Variants in SCN2A observed in about 807,000 individuals in gnomAD.
The protein encoded by SCN2A is sodium channel protein type 2 subunit alpha.
A neutral mutation model predicts 188.7 loss-of-function variants in SCN2A; 20 were observed. The observed-to-expected ratio is 0.11, with a 90% confidence interval of 0.07 to 0.15. The LOEUF is 0.15. Ranked by LOEUF, SCN2A falls within the 10% of genes least tolerant of loss-of-function variation. The pLI, the probability that SCN2A is intolerant of heterozygous loss-of-function variation, is 1.00. For synonymous variants in SCN2A, 804 were observed against 833.1 expected (o/e 0.97, Z 0.60); for missense variants, 1,278 against 2,445.0 (o/e 0.52, Z 10.07).
intron 17 of SCN2A, among the ~76,000 whole-genome samples, chr2:165,358,762 A>G (rs1700304805): frequency 6.6e-6 from 1 of 152,046 alleles, no homozygotes; most frequent in Non-Finnish European, 1.5e-5. Flanking sequence ...TAAATTTATC[A>G]TGATCCACAA....
chr2:165,350,772 A>G (rs999461264), intron 16 of SCN2A, among the ~76,000 whole-genome samples: 8 of 151,980 alleles, frequency 5.3e-5, no homozygotes, highest in Admixed American at 4.6e-4. Context: ...CCCGGCCTGA[A>G]CTGTTTTCTT....
intron 4 of SCN2A, 81 bp downstream of exon 4, chr2:165,308,018 C>A (rs1574553188): frequency 9.7e-6 from 9 of 926,948 alleles, no homozygotes; most frequent in Non-Finnish European, 1.6e-5. Flanking sequence ...TCCTCAATTT[C>A]TTTAACAAAT....
intron 1 of SCN2A, among the ~76,000 whole-genome samples, chr2:165,250,101 C>T (rs926981292): frequency 1.3e-5 from 2 of 152,074 alleles, no homozygotes; most frequent in Middle Eastern, 3.4e-3. Flanking sequence ...TATATGTGGA[C>T]CTGGGTCATC....
chr2:165,245,026 C>A (rs541644654), intron 1 of SCN2A, among the ~76,000 whole-genome samples: 1 of 152,028 alleles, frequency 6.6e-6, no homozygotes, highest in African/African-American at 2.4e-5. Context: ...TGACACTATC[C>A]CTCTTCTCTG....
intron 26 of SCN2A, among the ~76,000 whole-genome samples, chr2:165,387,439 G>C (rs1166236749): frequency 2.0e-5 from 3 of 152,234 alleles, no homozygotes; most frequent in East Asian, 1.9e-4. Flanking sequence ...AATTGGAATA[G>C]TGTATATGTG....
chr2:165,241,633 T>G (rs935903587), intron 1 of SCN2A, among the ~76,000 whole-genome samples: 5 of 152,180 alleles, frequency 3.3e-5, no homozygotes, highest in African/African-American at 9.7e-5. Flanking sequence ...GTCAAGGAGT[T>G]TACCTCAGGG....
chr2:165,349,598 T>A (rs536250975), intron 16 of SCN2A, among the ~76,000 whole-genome samples: 19 of 152,214 alleles, frequency 1.2e-4, no homozygotes, highest in Non-Finnish European at 2.5e-4. Flanking sequence ...TTGTGATGTA[T>A]GCATAAAAAG....
intron 16 of SCN2A, among the ~76,000 whole-genome samples, chr2:165,349,964 A>G (rs1699800238): frequency 6.6e-6 from 1 of 152,198 alleles, no homozygotes; most frequent in African/African-American, 2.4e-5. Context: ...ATGTGGCTCC[A>G]CCCAAATAGA....
intron 12 of SCN2A, 51 bp from the exon 13 acceptor site, chr2:165,326,801 C>A (rs371917575): frequency 1.2e-6 from 2 of 1,608,852 alleles, no homozygotes; most frequent in Non-Finnish European, 1.7e-6. Context: ...ATGCTTTGGG[C>A]TTTGCTGCTT....
At chr2:165,317,886 A>G (rs1697848496) in intron 11 of SCN2A, among the ~76,000 whole-genome samples, 1 of 152,072 alleles carries the variant, frequency 6.6e-6, no homozygotes, top group South Asian at 2.1e-4. Flanking sequence ...GAGGATGGAG[A>G]GGGAGACAGA....
intron 25 of SCN2A, 91 bp from the exon 26 acceptor site, chr2:165,386,655 T>C (rs940854008): frequency 7.7e-7 from 1 of 1,305,638 alleles, no homozygotes; most frequent in Non-Finnish European, 1.1e-6. Flanking sequence ...TTATAAAAGC[T>C]ACATTTTTTG....
At chr2:165,242,585 G>C (rs899873994) in intron 1 of SCN2A, among the ~76,000 whole-genome samples, 1 of 152,082 alleles carries the variant, frequency 6.6e-6, no homozygotes, top group Non-Finnish European at 1.5e-5. Context: ...GAGAAATCTG[G>C]GGAGTATATT....
chr2:165,277,502 G>A (rs977741707), intron 1 of SCN2A, among the ~76,000 whole-genome samples: 1 of 152,128 alleles, frequency 6.6e-6, no homozygotes, highest in Non-Finnish European at 1.5e-5. Flanking sequence ...GCCTTATTTG[G>A]TCTATCTTGC....
At chr2:165,367,462 G>A (rs757882257) in intron 19 of SCN2A, 91 bp downstream of exon 19, 36 of 1,394,526 alleles carry the variant, frequency 2.6e-5, no homozygotes, top group Non-Finnish European at 3.4e-5. Flanking sequence ...TTTAAATTAA[G>A]GTGTTTGTAA....
Position 165,354,336 on chromosome 2 carries a change from C to A in SCN2A, c.3064C>A (p.Arg1022Ser). Residue 1022 changes from arginine (R) to serine (S), a missense_variant, in exon 17 of 27, where the codon CGT becomes AGT. Around this residue, in one of 17 missense-constraint regions of SCN2A, gnomAD observed 228 missense variants for 297.3 expected, o/e 0.77. Transcript: ENST00000375437. ...AATCGATTTTGTTAAAAGAAAAATA[C>A]GTGAATTTATTCAGAAAGCCTTTGT... ...KGIDFVKRKIREFIQKAFVRK... is the reference protein window; with the variant it reads ...KGIDFVKRKISEFIQKAFVRK... The A allele has an allele frequency of 1.2e-6, 2 of 1,613,938 alleles. No homozygotes were observed. The highest frequency in any genetic ancestry group is 8.5e-7 in the Non-Finnish European group (1 of 1,179,940).
intron 1 of SCN2A, among the ~76,000 whole-genome samples, chr2:165,294,300 T>A (rs953469760): frequency 1.3e-5 from 2 of 152,054 alleles, no homozygotes; most frequent in Admixed American, 1.3e-4. Flanking sequence ...CATGGCAGTT[T>A]CCTCCCCCAG....
At chr2:165,311,743 G>A (rs1697440309) in intron 7 of SCN2A, among the ~76,000 whole-genome samples, 2 of 152,162 alleles carry the variant, frequency 1.3e-5, no homozygotes, top group Admixed American at 6.5e-5. Context: ...CATGCAATTT[G>A]AGCTTATATT....
In SCN2A at chr2:165,389,110, G is replaced by A; in HGVS notation, c.5304G>A (p.Val1768=). The A allele has an allele frequency of 6.2e-7, 1 of 1,614,056 alleles. No homozygotes were observed. The highest frequency in any genetic ancestry group is 8.5e-7 in the Non-Finnish European group (1 of 1,179,994). Residue 1768 remains valine (V), a synonymous_variant, in exon 27 of 27, where the codon GTG becomes GTA. Coordinates refer to ENST00000375437, the MANE Select transcript of SCN2A (RefSeq NM_001040142.2). The surrounding 1 kb of genome is among the most constrained non-coding windows in gnomAD (Gnocchi z 4.2). ...SYIIISFLVV[V]NMYIAVILEN... The stretch of plus-strand genomic sequence containing the variant: ...TCATCATATCCTTCCTGGTTGTGGT[G>A]AACATGTACATCGCGGTCATCCTGG...
chr2:165,348,790 C>A (rs1277136097), intron 16 of SCN2A, among the ~76,000 whole-genome samples: 2 of 152,160 alleles, frequency 1.3e-5, no homozygotes, highest in Non-Finnish European at 2.9e-5. Flanking sequence ...GGTTTCAGTT[C>A]CTTTTTGGCA....
Sources: gnomAD v4.1 joint callset for allele counts (sites outside exome capture counted in the v4.1 genomes callset) on GRCh38, gnomAD v4.1.1 for gene constraint, gnomAD v4.1.1 regional missense constraint, Gnocchi (gnomAD v3.1) non-coding constraint, MANE v1.5 for transcripts, NCBI Gene and HGNC (gene_info 2026-07-23, HGNC 2026-07-21) for gene names.